IDO2: variants seen among roughly 807,000 people sequenced by gnomAD.
IDO2 encodes indoleamine 2,3-dioxygenase-like 1 protein.
Under a neutral mutation model 45.1 loss-of-function variants are expected in IDO2, and 46 were observed. The ratio of observed to expected loss-of-function variants is 1.02; its 90% confidence interval spans 0.80 to 1.30. IDO2 has a LOEUF of 1.30. Among genes scored for constraint, IDO2 ranks in the 50% most tolerant of loss-of-function variants. The pLI, the probability that IDO2 is intolerant of heterozygous loss-of-function variation, is 0.00. For synonymous variants in IDO2, 218 were observed against 184.9 expected, an observed-to-expected ratio of 1.18 and a Z score of -1.45; for missense variants, 544 against 491.8, an observed-to-expected ratio of 1.11 and a Z score of -1.00.
At chr8:39,963,100 T>G (rs2729460) in intron 2 of IDO2, among the ~76,000 whole-genome samples, 55,303 of 151,980 alleles carry the variant, frequency 0.36, 10,556 homozygotes, top group East Asian at 0.58. Context: ...CTCTATCACT[T>G]TCTCTTGAGT....
chr8:39,994,657 TTCAGCCTGAATCTGGGAAATTGTTCCTAC>T (rs1802003137), intron 8 of IDO2, among the ~76,000 whole-genome samples: 7 of 46,466 alleles, frequency 1.5e-4, no homozygotes, highest in Non-Finnish European at 3.6e-4. Context: ...AATGTCTCGG[TTCAGCCTGAATCTGGGAAATTGTTCCTAC>T]GGTTCAGCCT....
At chr8:40,012,072 A>T (rs892537627) in intron 9 of IDO2, among the ~76,000 whole-genome samples, 1 of 152,206 alleles carries the variant, frequency 6.6e-6, no homozygotes, top group African/African-American at 2.4e-5. Context: ...GGCTCCTTAC[A>T]GCACTTCCAG....
intron 8 of IDO2, chr8:39,995,315 C>G (rs1168898392): frequency 2.0e-5 from 3 of 147,482 alleles, no homozygotes; most frequent in African/African-American, 7.6e-5. Context: ...GAGTCTTGCT[C>G]TGTTGCCCAG....
chr8:39,995,251 C>CTTCTTTTTTTT (rs1554548609), intron 8 of IDO2: 1 of 78,030 alleles, frequency 1.3e-5, no homozygotes. Context: ...TTCTCCTTCT[C>CTTCTTTTTTTT]CTTCTTCTTC....
chr8:39,940,793 A>G (rs1467660753), intron 1 of IDO2, among the ~76,000 whole-genome samples: 2 of 152,066 alleles, frequency 1.3e-5, no homozygotes, highest in African/African-American at 4.8e-5. Context: ...TCCCAAAACA[A>G]AGAAATGATC....
Position 39,934,980 on chromosome 8 carries a change from G to GTAAGAATACAGAGAGTCCACAA in IDO2, c.-254_-233dup. 4.7e-6 allele frequency: 3 copies of GTAAGAATACAGAGAGTCCACAA among 641,348 alleles called. No individual in the cohort carries two copies. The African/African-American group carries it at 5.5e-5, about 12-fold the overall frequency. The allele number at this position is 641,348 out of a possible 1,614,324, so 39.7% of individuals were successfully genotyped here. On this transcript the variant is annotated 5_prime_UTR_variant, in exon 1 of 11. The change creates a new upstream start codon in the 5' untranslated region. Coordinates refer to ENST00000502986, the Ensembl canonical transcript of IDO2. Reference sequence around the variant, plus strand: ...AGTCCAGATGATAGTTAAGAAAGCAGTAAGAATACAGAGAGTCCACAATGA... The same window carrying GTAAGAATACAGAGAGTCCACAA: ...AGTCCAGATGATAGTTAAGAAAGCAGTAAGAATACAGAGAGTCCACAATAAGAATACAGAGAGTCCACAATGA...
At chr8:39,953,394 T>A (rs772603539) in intron 2 of IDO2, among the ~76,000 whole-genome samples, 33 of 152,326 alleles carry the variant, frequency 2.2e-4, no homozygotes, top group Non-Finnish European at 4.1e-4. Context: ...ATCTCTAGCA[T>A]AATTGACCTC....
intron 8 of IDO2, among the ~76,000 whole-genome samples, chr8:39,996,183 GGA>G (rs1418575064): frequency 2.0e-5 from 3 of 152,016 alleles, no homozygotes; most frequent in Non-Finnish European, 4.4e-5. Context: ...CACCTCTTGT[GGA>G]GGGCCTGACA....
chr8:39,994,615 A>G (rs1292616554), intron 8 of IDO2, among the ~76,000 whole-genome samples: 6 of 152,092 alleles, frequency 3.9e-5, no homozygotes, highest in Admixed American at 2.6e-4. Flanking sequence ...GATTAGCCCA[A>G]ATATGCCCCA....
intron 5 of IDO2, 146 bp from the exon 6 acceptor site, chr8:39,985,362 G>T: frequency 1.5e-6 from 1 of 670,942 alleles, no homozygotes; most frequent in Non-Finnish European, 2.6e-6. Flanking sequence ...GTGTGGATGT[G>T]TGTGTGCCTG....
exon 11 of IDO2, chr8:40,015,470 T>C (rs1241880031): frequency 6.2e-7 from 1 of 1,613,928 alleles, no homozygotes. Context: ...AGGCAAAGCA[T>C]GGGAAGCCAA....
intron 3 of IDO2, among the ~76,000 whole-genome samples, chr8:39,969,471 G>T (rs569219404): frequency 1.7e-4 from 26 of 152,120 alleles, no homozygotes; most frequent in African/African-American, 5.8e-4. Flanking sequence ...CCCTCCTCAG[G>T]CCTCCTGATT....
intron 9 of IDO2, among the ~76,000 whole-genome samples, chr8:40,011,882 G>T (rs1294137057): frequency 6.6e-6 from 1 of 152,186 alleles, no homozygotes; most frequent in Admixed American, 6.5e-5. Flanking sequence ...AATAGCTGCA[G>T]CCTGTCAGGG....
intron 1 of IDO2, among the ~76,000 whole-genome samples, chr8:39,947,680 C>CT (rs1436135499): frequency 6.6e-6 from 1 of 152,046 alleles, no homozygotes; most frequent in East Asian, 1.9e-4. Context: ...ACCCTGTCTC[C>CT]TTTGTTTGGT....
intron 3 of IDO2, among the ~76,000 whole-genome samples, chr8:39,966,813 T>C (rs1410523646): frequency 6.6e-6 from 1 of 152,204 alleles, no homozygotes; most frequent in East Asian, 1.9e-4. Context: ...CCTTCGTTCA[T>C]GAATTTGAAT....
rs1554549464 is a variant in IDO2, at chr8:40,004,525, T to TGATAGACA, written c.668-796_668-795insCAGATAGA. 4.5e-3 allele frequency among the ~76,000 whole-genome samples: 655 copies of TGATAGACA among 144,518 alleles called. 19 individuals are homozygous for TGATAGACA. The highest frequency in any genetic ancestry group is 1.8e-3 in the Non-Finnish European group (116 of 65,406). The allele number at this position is 144,518 out of a possible 152,430, so 94.8% of individuals were successfully genotyped here. On this transcript the variant is annotated intron_variant, in intron 8 of 10. Coordinates refer to ENST00000502986, the Ensembl canonical transcript of IDO2. ...GATGTAGACAGATTAGACAGACAGA[T>TGATAGACA]GATAGATAGATAGATAGATAGATAG...
intron 4 of IDO2, among the ~76,000 whole-genome samples, chr8:39,981,154 C>T (rs1808344268): frequency 6.6e-6 from 1 of 151,794 alleles, no homozygotes; most frequent in African/African-American, 2.4e-5. Flanking sequence ...CTCCGCCTCC[C>T]AGGTTCACGC....
chr8:39,951,604 C>G (rs1467939827), intron 2 of IDO2, among the ~76,000 whole-genome samples: 1 of 152,148 alleles, frequency 6.6e-6, no homozygotes, highest in Non-Finnish European at 1.5e-5. Flanking sequence ...CACTAGATTG[C>G]TATGGAGAAT....
Position 39,947,171 on chromosome 8 carries a change from C to CAAAAAAA in IDO2, c.-17-1960_-17-1954dup, listed in dbSNP as rs55785952. Among the ~76,000 whole-genome samples the CAAAAAAA allele has an allele frequency of 4.4e-4, 35 of 79,986 alleles. 1 individual carries two copies. Among genetic ancestry groups the CAAAAAAA allele is most frequent in the African/African-American group, 8.5e-4 (17 of 20,016 alleles). The allele number at this position is 79,986 out of a possible 152,430, so 52.5% of individuals were successfully genotyped here. On this transcript the variant is annotated intron_variant, in intron 1 of 10. Transcript: ENST00000502986. ...AACTCTAGGACTAGAGCTAAGGTAT[C>CAAAAAAA]AAAAAAAAAAAAAAAAAAAAAAAAG... is the stretch of plus-strand genomic sequence containing the variant.
Sources: allele counts gnomAD v4.1 joint callset (sites outside exome capture counted in the v4.1 genomes callset), GRCh38; gene constraint gnomAD v4.1.1; transcripts MANE v1.5; gene names NCBI Gene and HGNC (gene_info 2026-07-23, HGNC 2026-07-21).